The following CCDC3 variants were observed in gnomAD, a reference collection of about 807,000 sequenced individuals.
CCDC3 encodes the protein coiled-coil domain-containing protein 3.
A neutral mutation model predicts 21.4 loss-of-function variants in CCDC3; 24 were observed. The observed-to-expected ratio is 1.12, with a 90% CI of 0.81 to 1.58. The LOEUF (loss-of-function observed/expected upper bound fraction) is 1.58. CCDC3 is among the 40% of genes most tolerant of loss of function. CCDC3 has a pLI of 0.00. For missense variants in CCDC3, 425 were observed against 360.9 expected (o/e 1.18, Z -1.44); for synonymous variants, 186 against 166.0 (o/e 1.12, Z -0.93).
intron 4 of CCDC3, among the ~76,000 whole-genome samples, chr10:13,065,879 A>G (rs1369979032): frequency 6.6e-6 from 1 of 152,198 alleles, no homozygotes; most frequent in Non-Finnish European, 1.5e-5. Flanking sequence ...CCAAGTCCAC[A>G]TCACCATGTA....
intron 5 of CCDC3, among the ~76,000 whole-genome samples, chr10:13,022,183 G>A (rs890962112): frequency 2.6e-5 from 4 of 152,076 alleles, no homozygotes; most frequent in African/African-American, 7.2e-5. Flanking sequence ...GTGAACAGAC[G>A]TCCTCCTCTC....
chr10:12,911,256 A>T (rs1409095702), intron 2 of CCDC3, among the ~76,000 whole-genome samples: 1 of 152,080 alleles, frequency 6.6e-6, no homozygotes, highest in Non-Finnish European at 1.5e-5. Flanking sequence ...ATTAATGGCT[A>T]ATTTGTTCTT....
chr10:13,017,245 G>A (rs906554814), intron 5 of CCDC3, among the ~76,000 whole-genome samples: 2 of 151,870 alleles, frequency 1.3e-5, no homozygotes, highest in East Asian at 1.9e-4. Flanking sequence ...GGCCAGGCAC[G>A]GTGGCTCACG....
chr10:13,037,288 T>C (rs561664993), intron 5 of CCDC3, among the ~76,000 whole-genome samples: 1 of 152,146 alleles, frequency 6.6e-6, no homozygotes, highest in East Asian at 1.9e-4. Flanking sequence ...CAAATCCAAG[T>C]TTTCAAGTTT....
chr10:13,049,535 A>G (rs1836575571), intron 5 of CCDC3: 1 of 152,250 alleles, frequency 6.6e-6, no homozygotes, highest in Admixed American at 6.5e-5. Flanking sequence ...CAAAGCAGAG[A>G]ATAGCTGGAA....
At chr10:12,997,185 T>C (rs992245048) in intron 2 of CCDC3, among the ~76,000 whole-genome samples, 2 of 151,608 alleles carry the variant, frequency 1.3e-5, no homozygotes, top group East Asian at 3.9e-4. Context: ...CCTCAAACCC[T>C]TCTTGATGGG....
chr10:13,000,318 C>T (rs1469746412), intron 1 of CCDC3, among the ~76,000 whole-genome samples: 3 of 152,160 alleles, frequency 2.0e-5, no homozygotes, highest in Non-Finnish European at 4.4e-5. Flanking sequence ...CTACCTGGCA[C>T]TCTCTATTCA....
At chr10:13,076,119 G>A (rs1836961884) in intron 3 of CCDC3, among the ~76,000 whole-genome samples, 1 of 152,182 alleles carries the variant, frequency 6.6e-6, no homozygotes, top group South Asian at 2.1e-4. Flanking sequence ...GGGAAATAGG[G>A]AAGCAAAGGA....
intron 2 of CCDC3, chr10:13,098,639 C>G (rs538807825): frequency 6.6e-6 from 1 of 150,808 alleles, no homozygotes; most frequent in African/African-American, 2.4e-5. Context: ...AATTAGAGAT[C>G]GTCATTCCAT....
rs1275134349 is a variant in CCDC3, at chr10:13,097,490, G to A, written c.-503+1035C>T. Among the ~76,000 whole-genome samples the A allele has an allele frequency of 2.6e-5, 4 of 152,306 alleles. 1 individual carries two copies. The highest frequency in any genetic ancestry group is 3.4e-3 in the Middle Eastern group (1 of 294). On this transcript the variant is annotated intron_variant, in intron 3 of 6. Transcript: ENST00000378839. ...TGTAATCCCAGCACTTTGGAAGGCC[G>A]AGGCAGGTGGATCACCCGAGGTCAG...
chr10:13,092,435 A>G (rs1205874669), intron 3 of CCDC3, among the ~76,000 whole-genome samples: 1 of 152,218 alleles, frequency 6.6e-6, no homozygotes, highest in Non-Finnish European at 1.5e-5. Context: ...TTTCACAGCC[A>G]ACCCTTCAAA....
intron 2 of CCDC3, among the ~76,000 whole-genome samples, chr10:12,926,915 A>G (rs1336904918): frequency 6.6e-6 from 1 of 152,210 alleles, no homozygotes; most frequent in Non-Finnish European, 1.5e-5. Context: ...CAAAAAATAC[A>G]TAAACTCAGA....
intron 5 of CCDC3, among the ~76,000 whole-genome samples, chr10:13,042,871 T>C (rs1294624000): frequency 1.5e-5 from 2 of 133,102 alleles, no homozygotes; most frequent in Non-Finnish European, 3.1e-5. Flanking sequence ...ATGGCGCCAC[T>C]GCACTCCAGC....
chr10:13,026,919 T>C (rs1330957569), intron 5 of CCDC3, among the ~76,000 whole-genome samples: 1 of 152,194 alleles, frequency 6.6e-6, no homozygotes. Context: ...TCTTCTTCCA[T>C]TTCCTCCTCC....
At chr10:12,980,096 C>G (rs1405266597) in intron 2 of CCDC3, among the ~76,000 whole-genome samples, 1 of 152,194 alleles carries the variant, frequency 6.6e-6, no homozygotes. Flanking sequence ...TCCCGGGTCC[C>G]TTTCAGTCCT....
chr10:13,090,224 G>A (rs1316754383), intron 3 of CCDC3, among the ~76,000 whole-genome samples: 2 of 151,102 alleles, frequency 1.3e-5, no homozygotes, highest in Non-Finnish European at 2.9e-5. Flanking sequence ...AAGTAGCTGG[G>A]ACTACAGGTG....
intron 2 of CCDC3, among the ~76,000 whole-genome samples, chr10:12,930,804 T>G (rs899569493): frequency 2.6e-5 from 4 of 152,068 alleles, no homozygotes; most frequent in African/African-American, 7.2e-5. Flanking sequence ...AACATAACAG[T>G]GCCGAGGTCA....
intron 5 of CCDC3, among the ~76,000 whole-genome samples, chr10:13,048,991 CA>C (rs1054386409): frequency 6.6e-6 from 1 of 152,028 alleles, no homozygotes; most frequent in African/African-American, 2.4e-5. Context: ...ATACAAATTC[CA>C]AGTGTCACAA....
At chr10:12,991,974 C>T (rs1366586098) in intron 2 of CCDC3, among the ~76,000 whole-genome samples, 1 of 151,566 alleles carries the variant, frequency 6.6e-6, no homozygotes, top group Non-Finnish European at 1.5e-5. Context: ...AAAGATCTCC[C>T]AGATCTACTC....
Sources: allele counts gnomAD v4.1 joint callset (sites outside exome capture counted in the v4.1 genomes callset), GRCh38; gene constraint gnomAD v4.1.1; transcripts MANE v1.5; gene names NCBI Gene and HGNC (gene_info 2026-07-23, HGNC 2026-07-21).